Variants in PID1 observed in about 807,000 individuals in gnomAD.
The protein encoded by PID1 is phosphotyrosine interaction domain containing 1, also known as PTB-containing, cubilin and LRP1-interacting protein.
PID1 carries 10 observed loss-of-function variants against 19.1 expected under a neutral mutation model. The ratio of observed to expected loss-of-function variants is 0.52; its 90% CI spans 0.32 to 0.89. PID1 has a LOEUF of 0.89. Ranked by LOEUF, PID1 falls within the 40% of genes least tolerant of loss-of-function variation. The pLI is 0.03. For missense variants in PID1, 248 were observed against 285.3 expected (o/e 0.87, Z 0.94); for synonymous variants, 130 against 116.0 (o/e 1.12, Z -0.78).
intron 1 of PID1, among the ~76,000 whole-genome samples, chr2:229,243,113 G>A (rs1233091406): frequency 6.6e-6 from 1 of 152,114 alleles, no homozygotes; most frequent in Non-Finnish European, 1.5e-5. Flanking sequence ...AATCATGGTG[G>A]AAGGCAAGGA....
intron 1 of PID1, among the ~76,000 whole-genome samples, chr2:229,203,611 T>C (rs569878304): frequency 6.6e-6 from 1 of 152,248 alleles, no homozygotes; most frequent in Admixed American, 6.5e-5. Context: ...GCTATACTAC[T>C]GTAATCTAGC....
At chr2:229,240,486 T>A (rs1689842320) in intron 1 of PID1, among the ~76,000 whole-genome samples, 1 of 152,148 alleles carries the variant, frequency 6.6e-6, no homozygotes, top group Non-Finnish European at 1.5e-5. Context: ...GGATATAGAG[T>A]TCTGGGTTGA....
At chr2:229,073,109 T>C (rs2106203903) in intron 2 of PID1, among the ~76,000 whole-genome samples, 1 of 152,320 alleles carries the variant, frequency 6.6e-6, no homozygotes, top group South Asian at 2.1e-4. Context: ...CACTGCAAGC[T>C]CCGTCTCTCA....
chr2:229,039,177 A>G (rs558678757), intron 2 of PID1, among the ~76,000 whole-genome samples: 1 of 152,282 alleles, frequency 6.6e-6, no homozygotes, highest in East Asian at 1.9e-4. Context: ...GTGCTTTCTA[A>G]TTATTTGGTT....
intron 1 of PID1, among the ~76,000 whole-genome samples, chr2:229,243,448 CT>C (rs929929731): frequency 3.3e-5 from 5 of 152,098 alleles, no homozygotes; most frequent in African/African-American, 1.2e-4. Flanking sequence ...TATTATAGCA[CT>C]GATTCTGCTG....
chr2:229,262,430 T>C (rs1690483205), intron 1 of PID1, among the ~76,000 whole-genome samples: 1 of 152,170 alleles, frequency 6.6e-6, no homozygotes, highest in South Asian at 2.1e-4. Flanking sequence ...AATAGCTTAG[T>C]TGTTTGCTGT....
At chr2:229,197,460 C>T (rs1365121070) in intron 1 of PID1, among the ~76,000 whole-genome samples, 2 of 151,972 alleles carry the variant, frequency 1.3e-5, no homozygotes, top group African/African-American at 2.4e-5. Flanking sequence ...ATACATTATA[C>T]ATAGCACCAC....
At chr2:229,119,633 T>C (rs927464778) in intron 2 of PID1, among the ~76,000 whole-genome samples, 1 of 152,164 alleles carries the variant, frequency 6.6e-6, no homozygotes, top group Non-Finnish European at 1.5e-5. Context: ...ACACAAAAAA[T>C]CAATGGCCTT....
intron 1 of PID1, among the ~76,000 whole-genome samples, chr2:229,190,698 T>C (rs1458560490): frequency 6.6e-6 from 1 of 152,236 alleles, no homozygotes; most frequent in African/African-American, 2.4e-5. Flanking sequence ...CCAAGCATCA[T>C]TACTAATTTC....
intron 2 of PID1, among the ~76,000 whole-genome samples, chr2:229,090,773 G>A (rs942937667): frequency 5.3e-5 from 8 of 152,236 alleles, no homozygotes; most frequent in South Asian, 2.1e-4. Context: ...ATTCATTCAC[G>A]CATGCATTCA....
At chr2:229,268,918 A>C (rs748249176) in intron 1 of PID1, among the ~76,000 whole-genome samples, 11 of 152,208 alleles carry the variant, frequency 7.2e-5, no homozygotes, top group African/African-American at 1.2e-4. Flanking sequence ...CTCACTCACC[A>C]TCTCATCCTC....
intron 1 of PID1, among the ~76,000 whole-genome samples, chr2:229,156,260 T>C (rs1487858944): frequency 6.6e-6 from 1 of 152,192 alleles, no homozygotes; most frequent in Non-Finnish European, 1.5e-5. Flanking sequence ...TGTATACAGA[T>C]GAAATTGTGG....
At chr2:229,247,224 A>G (rs1690027576) in intron 1 of PID1, among the ~76,000 whole-genome samples, 1 of 152,198 alleles carries the variant, frequency 6.6e-6, no homozygotes, top group African/African-American at 2.4e-5. Flanking sequence ...AAGGACATAG[A>G]CATTTCCATC....
At position 229,271,097 on chromosome 2, in the gene PID1, CG is replaced by C; in HGVS notation, c.-55del. 2 of 1,532,542 alleles carry C rather than the reference CG, an allele frequency of 1.3e-6. No homozygotes were observed. The highest frequency in any genetic ancestry group is 2.0e-5 in the Admixed American group (1 of 49,658). The allele number at this position is 1,532,542 out of a possible 1,614,324, so 94.9% of individuals were successfully genotyped here. On this transcript the variant is annotated 5_prime_UTR_variant, in exon 1 of 3. Transcript: ENST00000392055. ...ACGCTGGCGAGACTGTCGATCGCGC[CG>C]GGGGGCGAGGGGCTGGGGTCCCGCT... is the stretch of plus-strand genomic sequence containing the variant.
intron 2 of PID1, among the ~76,000 whole-genome samples, chr2:229,049,431 T>C (rs7580458): frequency 0.52 from 79,431 of 151,994 alleles, 21,520 homozygotes; most frequent in East Asian, 0.67. Context: ...ATGTCTAGAA[T>C]AATGATAAAT....
chr2:229,193,723 TAATA>T, intron 1 of PID1, among the ~76,000 whole-genome samples: 1 of 151,598 alleles, frequency 6.6e-6, no homozygotes, highest in African/African-American at 2.4e-5. Context: ...GACACATAAT[TAATA>T]AATAATATAT....
intron 1 of PID1, among the ~76,000 whole-genome samples, chr2:229,235,447 C>A (rs2106271066): frequency 6.6e-6 from 1 of 152,098 alleles, no homozygotes; most frequent in African/African-American, 2.4e-5. Flanking sequence ...GGAAAGGACA[C>A]AAGAGAGCGA....
chr2:229,229,725 C>T (rs950419949), intron 1 of PID1, among the ~76,000 whole-genome samples: 3 of 152,232 alleles, frequency 2.0e-5, no homozygotes, highest in African/African-American at 7.2e-5. Flanking sequence ...ATACAGGCAA[C>T]TCAAATGTCA....
At chr2:229,061,200 T>G (rs1694205871) in intron 2 of PID1, among the ~76,000 whole-genome samples, 2 of 152,130 alleles carry the variant, frequency 1.3e-5, no homozygotes, top group Non-Finnish European at 2.9e-5. Flanking sequence ...CGTAGAACTT[T>G]GCCTTTATGT....
Sources: gnomAD v4.1 joint callset for allele counts (sites outside exome capture counted in the v4.1 genomes callset) on GRCh38, gnomAD v4.1.1 for gene constraint, MANE v1.5 for transcripts, NCBI Gene and HGNC (gene_info 2026-07-23, HGNC 2026-07-21) for gene names.